The following CNTNAP3B variants were observed in gnomAD, a reference collection of about 807,000 sequenced individuals.
The protein encoded by CNTNAP3B is contactin associated protein family member 3B.
CNTNAP3B carries 25 observed loss-of-function variants against 108.9 expected under a neutral mutation model. The ratio of observed to expected loss-of-function variants is 0.23; its 90% CI spans 0.17 to 0.32. CNTNAP3B has a LOEUF of 0.32. Ranked by LOEUF, CNTNAP3B falls within the 10% of genes least tolerant of loss-of-function variation. CNTNAP3B has a pLI of 1.00. For missense variants in CNTNAP3B, 252 were observed against 1,210.4 expected, an observed-to-expected ratio of 0.21 and a Z score of 11.75; for synonymous variants, 103 against 473.4, an observed-to-expected ratio of 0.22 and a Z score of 10.16.
chr9:41,968,786 CAGAT>C (rs1825355802), intron 10 of CNTNAP3B, among the ~76,000 whole-genome samples: 1 of 137,598 alleles, frequency 7.3e-6, no homozygotes, highest in African/African-American at 2.9e-5. Flanking sequence ...AAAGTTCTAC[CAGAT>C]GCAGATATAA....
intron 1 of CNTNAP3B, among the ~76,000 whole-genome samples, chr9:42,118,599 C>A (rs1265157345): frequency 1.6e-5 from 2 of 121,622 alleles, no homozygotes; most frequent in Non-Finnish European, 3.4e-5. Flanking sequence ...TGGAAGCATT[C>A]CCTTTGAAAA....
At chr9:41,931,588 A>T (rs1382752245) in intron 14 of CNTNAP3B, among the ~76,000 whole-genome samples, 1 of 151,396 alleles carries the variant, frequency 6.6e-6, no homozygotes, top group Non-Finnish European at 1.5e-5. Context: ...ATTCAGACTA[A>T]AACCCTGTTG....
At chr9:42,011,754 AC>A (rs1319525543) in intron 4 of CNTNAP3B, 1 of 87,774 alleles carries the variant, frequency 1.1e-5, no homozygotes, top group African/African-American at 4.3e-5. Flanking sequence ...TACTGAAACT[AC>A]CATTATTAAC....
intron 1 of CNTNAP3B, among the ~76,000 whole-genome samples, chr9:42,124,932 A>C (rs1028752209): frequency 2.9e-5 from 4 of 138,152 alleles, no homozygotes; most frequent in African/African-American, 1.2e-4. Flanking sequence ...ATTTAACTAC[A>C]CTTACTTATT....
chr9:41,969,161 G>A (rs1433498312), intron 10 of CNTNAP3B, among the ~76,000 whole-genome samples: 1 of 152,136 alleles, frequency 6.6e-6, no homozygotes, highest in Non-Finnish European at 1.5e-5. Context: ...AATACCAAAT[G>A]TACTGGGGCA....
intron 13 of CNTNAP3B, among the ~76,000 whole-genome samples, chr9:41,943,040 T>TA (rs1824409239): frequency 6.6e-6 from 1 of 152,266 alleles, no homozygotes; most frequent in Non-Finnish European, 1.5e-5. Context: ...GATTTGGAAA[T>TA]ATCAGATAAG....
chr9:41,986,893 GTA>G (rs1825716239), intron 8 of CNTNAP3B, among the ~76,000 whole-genome samples: 1 of 133,900 alleles, frequency 7.5e-6, no homozygotes, highest in Non-Finnish European at 1.6e-5. Flanking sequence ...CCTGTAAACT[GTA>G]GAAAACTGAT....
intron 18 of CNTNAP3B, among the ~76,000 whole-genome samples, chr9:41,915,885 T>C (rs1823504478): frequency 6.6e-6 from 1 of 151,336 alleles, no homozygotes; most frequent in African/African-American, 2.4e-5. Context: ...GACAATGTTT[T>C]ATTTTCTTTA....
At chr9:41,950,800 G>A (rs534462896) in intron 13 of CNTNAP3B, among the ~76,000 whole-genome samples, 2 of 116,586 alleles carry the variant, frequency 1.7e-5, no homozygotes, top group African/African-American at 6.6e-5. Flanking sequence ...TTGCTCTGTC[G>A]CCCAGGCTGG....
chr9:42,044,583 C>T (rs1431623341), intron 3 of CNTNAP3B, among the ~76,000 whole-genome samples: 1 of 125,724 alleles, frequency 8.0e-6, no homozygotes, highest in Non-Finnish European at 1.7e-5. Context: ...AGCGCACAGG[C>T]TGGGGCCCAG....
At chr9:42,122,433 T>A (rs1279057893) in intron 1 of CNTNAP3B, among the ~76,000 whole-genome samples, 1 of 135,200 alleles carries the variant, frequency 7.4e-6, no homozygotes, top group Non-Finnish European at 1.6e-5. Flanking sequence ...TGTGACAGCC[T>A]GTGCTATAAA....
intron 2 of CNTNAP3B, among the ~76,000 whole-genome samples, chr9:42,084,572 CTCAG>C (rs1439096812): frequency 2.5e-5 from 1 of 39,938 alleles, no homozygotes; most frequent in African/African-American, 1.1e-4. Context: ...TGATTGATTG[CTCAG>C]TCAACCAAAA....
intron 13 of CNTNAP3B, among the ~76,000 whole-genome samples, chr9:41,950,034 A>G (rs1323446381): frequency 1.4e-5 from 2 of 140,610 alleles, no homozygotes; most frequent in African/African-American, 5.4e-5. Flanking sequence ...CAACAGTAAC[A>G]AAACAAATCC....
intron 14 of CNTNAP3B, among the ~76,000 whole-genome samples, chr9:41,935,656 T>A (rs1386311281): frequency 1.3e-5 from 2 of 152,080 alleles, no homozygotes; most frequent in African/African-American, 2.4e-5. Context: ...TCTACAAGAG[T>A]TGGGTTAGGA....
chr9:42,026,441 G>A (rs1826408550), intron 3 of CNTNAP3B, among the ~76,000 whole-genome samples: 1 of 83,586 alleles, frequency 1.2e-5, no homozygotes, highest in Admixed American at 1.3e-4. Context: ...ATAAAAATTA[G>A]CAGGGCATGG....
Position 41,893,849 on chromosome 9 carries a change from C to T in CNTNAP3B, c.*140G>A. On this transcript the variant is annotated 3_prime_UTR_variant, in exon 24 of 24. Coordinates refer to ENST00000377561, the MANE Select transcript of CNTNAP3B (RefSeq NM_001201380.3). The stretch of plus-strand genomic sequence containing the variant: ...CAGCCAGGTGACAGCACTGCACCTG[C>T]TGTGTGCACCCTGATGGCAACAGCA... 3 of 76,698 alleles carry T rather than the reference C, an allele frequency of 3.9e-5. No homozygotes were observed. Among genetic ancestry groups the T allele is most frequent in the Non-Finnish European group, 6.8e-5 (3 of 44,108 alleles). The allele number at this position is 76,698 out of a possible 1,614,324, so 4.8% of individuals were successfully genotyped here.
At chr9:42,121,835 A>G (rs540559112) in intron 1 of CNTNAP3B, among the ~76,000 whole-genome samples, 1 of 140,644 alleles carries the variant, frequency 7.1e-6, no homozygotes, top group South Asian at 2.3e-4. Flanking sequence ...CCGTGAGGAG[A>G]GATTTTAACC....
intron 13 of CNTNAP3B, among the ~76,000 whole-genome samples, chr9:41,951,474 G>A (rs1376358640): frequency 1.3e-5 from 2 of 149,878 alleles, no homozygotes; most frequent in African/African-American, 2.5e-5. Context: ...GGAGAACTGG[G>A]AAGGAGAGTT....
chr9:41,940,122 G>A (rs4879017), intron 13 of CNTNAP3B, among the ~76,000 whole-genome samples: 3,829 of 149,766 alleles, frequency 0.026, 18 homozygotes, highest in East Asian at 0.2. Flanking sequence ...GAGCCATAGG[G>A]TCCTATCAGA....
Sources: gnomAD v4.1 joint callset for allele counts (sites outside exome capture counted in the v4.1 genomes callset) on GRCh38, gnomAD v4.1.1 for gene constraint, MANE v1.5 for transcripts, NCBI Gene and HGNC (gene_info 2026-07-23, HGNC 2026-07-21) for gene names.